Variants in CCNY observed in about 807,000 individuals in gnomAD.
The protein encoded by CCNY is cyclin-Y.
CCNY carries 19 observed loss-of-function variants against 42.8 expected under a neutral mutation model. The observed-to-expected ratio is 0.44, with a 90% confidence interval of 0.31 to 0.65. The LOEUF is 0.65. Ranked by LOEUF, CCNY falls within the 30% of genes least tolerant of loss-of-function variation. The pLI, the probability that CCNY is intolerant of heterozygous loss-of-function variation, is 0.07. For missense variants in CCNY, 370 were observed against 437.3 expected (o/e 0.85, Z 1.37); for synonymous variants, 165 against 162.7 (o/e 1.01, Z -0.11).
intron 1 of CCNY, among the ~76,000 whole-genome samples, chr10:35,420,643 C>T (rs1838138990): frequency 6.6e-6 from 1 of 152,190 alleles, no homozygotes; most frequent in African/African-American, 2.4e-5. Context: ...GTCGCAATCT[C>T]ACACCAGAAT....
At chr10:35,345,281 A>G (rs1201509362) in intron 1 of CCNY, among the ~76,000 whole-genome samples, 2 of 152,102 alleles carry the variant, frequency 1.3e-5, no homozygotes, top group Non-Finnish European at 2.9e-5. Context: ...CTGGTGTGAG[A>G]TGGTATCTCA....
intron 2 of CCNY, among the ~76,000 whole-genome samples, chr10:35,491,205 G>A (rs539049308): frequency 2.0e-4 from 31 of 152,314 alleles, no homozygotes; most frequent in Admixed American, 1.0e-3. Flanking sequence ...CCAGCTCTGC[G>A]TTAGGCCTTT....
chr10:35,531,383 CTCAT>C (rs1389147276), intron 7 of CCNY, among the ~76,000 whole-genome samples: 1 of 152,214 alleles, frequency 6.6e-6, no homozygotes, highest in African/African-American at 2.4e-5. Context: ...TGGCTTGTTG[CTCAT>C]TCATTCATCT....
chr10:35,519,498 C>G (rs1053857610), intron 4 of CCNY, among the ~76,000 whole-genome samples: 2 of 152,108 alleles, frequency 1.3e-5, no homozygotes, highest in African/African-American at 4.8e-5. Flanking sequence ...TTAAACCTCC[C>G]CAGGAGAGTC....
intron 1 of CCNY, among the ~76,000 whole-genome samples, chr10:35,426,105 G>GCACACA (rs1356511719): frequency 5.2e-5 from 3 of 58,032 alleles, no homozygotes; most frequent in Admixed American, 1.9e-4. Context: ...CACTGGTCCA[G>GCACACA]CACGCGCACA....
At chr10:35,552,408 A>T (rs1287443815) in intron 7 of CCNY, among the ~76,000 whole-genome samples, 3 of 152,162 alleles carry the variant, frequency 2.0e-5, no homozygotes, top group Admixed American at 2.0e-4. Context: ...TCAGTTTGGG[A>T]AGATGATAAA....
In CCNY at chr10:35,569,962, C is replaced by A. The variant is rs1677635075; in HGVS notation, c.*792C>A. On this transcript the variant is annotated 3_prime_UTR_variant, in exon 10 of 10. Transcript: ENST00000374704. ...CGATTTTCTTGCATTTGTTTTTTTC[C>A]TGACCTGAAGTTGTTGTTACAAAAT... 6.6e-6 allele frequency: 1 copy of A among 152,330 alleles called. No individual in the cohort carries two copies. 9.4% of individuals were successfully genotyped at this position (152,330 alleles called of 1,614,324 possible). A position where few individuals can be genotyped will look rare whatever the true frequency, so the allele number is the denominator to read the frequency against.
At chr10:35,528,113 C>T (rs1395207678) in intron 5 of CCNY, among the ~76,000 whole-genome samples, 2 of 152,120 alleles carry the variant, frequency 1.3e-5, no homozygotes, top group Admixed American at 1.3e-4. Flanking sequence ...GGCTCAACTG[C>T]TGAGGAATGG....
intron 3 of CCNY, among the ~76,000 whole-genome samples, chr10:35,312,385 A>C (rs1309542296): frequency 4.6e-4 from 39 of 85,572 alleles, no homozygotes; most frequent in Admixed American, 8.9e-4. Flanking sequence ...TGTGTCACAA[A>C]AAAAAAAAAA....
At chr10:35,512,237 C>T (rs1840338910) in intron 3 of CCNY, among the ~76,000 whole-genome samples, 1 of 152,096 alleles carries the variant, frequency 6.6e-6, no homozygotes, top group Non-Finnish European at 1.5e-5. Flanking sequence ...TTGAGGTACC[C>T]ATGAGGAACA....
intron 7 of CCNY, 37 bp from the exon 8 acceptor site, chr10:35,552,981 AC>A: frequency 6.3e-7 from 1 of 1,596,038 alleles, no homozygotes; most frequent in Non-Finnish European, 8.6e-7. Context: ...TTAGGAGAAA[AC>A]AAATCACTTA....
chr10:35,525,276 G>A (rs374313215), intron 4 of CCNY, among the ~76,000 whole-genome samples: 31 of 151,928 alleles, frequency 2.0e-4, no homozygotes, highest in East Asian at 1.5e-3. Context: ...TTATTTGGGC[G>A]GAATATTTTT....
intron 1 of CCNY, among the ~76,000 whole-genome samples, chr10:35,478,029 C>A (rs1314383822): frequency 6.8e-6 from 1 of 146,170 alleles, no homozygotes; most frequent in African/African-American, 2.5e-5. Flanking sequence ...GAGTGAACTC[C>A]CATTCACAAT....
Position 35,530,746 on chromosome 10 carries a change from A to G in CCNY, c.579+503A>G, listed in dbSNP as rs1166927867. ...GATATTCAGAGACAGTATGGAGGTA[A>G]CGTATATTTTAAGACTCAAGAAAAA... is the stretch of plus-strand genomic sequence containing the variant. On this transcript the variant is annotated intron_variant, in intron 7 of 9. Coordinates refer to ENST00000374704, the MANE Select transcript of CCNY (RefSeq NM_145012.6). This position sits in a 1 kb window ranked among gnomAD's most constrained non-coding sequence, Gnocchi z 4.3. 6.6e-6 allele frequency among the ~76,000 whole-genome samples: 1 copy of G among 152,192 alleles called. No individual in the cohort carries two copies. Among genetic ancestry groups the G allele is most frequent in the Admixed American group, 6.5e-5 (1 of 15,280 alleles).
chr10:35,281,734 C>T (rs1410159435), intron 3 of CCNY, among the ~76,000 whole-genome samples: 1 of 151,944 alleles, frequency 6.6e-6, no homozygotes, highest in East Asian at 1.9e-4. Flanking sequence ...AAAACCATAC[C>T]GTGGAATAGT....
At chr10:35,328,983 T>C (rs1212031715) in intron 3 of CCNY, among the ~76,000 whole-genome samples, 1 of 152,214 alleles carries the variant, frequency 6.6e-6, no homozygotes, top group Non-Finnish European at 1.5e-5. Flanking sequence ...TGTGTATAAA[T>C]CATAATACAT....
chr10:35,544,068 A>G (rs978331655), intron 7 of CCNY, among the ~76,000 whole-genome samples: 3 of 152,252 alleles, frequency 2.0e-5, no homozygotes, highest in Admixed American at 2.0e-4. Context: ...TAAAGTTTAT[A>G]AAGTTATAGT....
At chr10:35,432,704 G>A (rs1374337357) in intron 1 of CCNY, among the ~76,000 whole-genome samples, 5 of 152,142 alleles carry the variant, frequency 3.3e-5, no homozygotes, top group Non-Finnish European at 5.9e-5. Flanking sequence ...ACAAAAACAA[G>A]TTCACATTTT....
chr10:35,291,528 C>CTT lies in CCNY; in HGVS notation c.-9+40922_-9+40923dup, dbSNP rs71523373. On this transcript the variant is annotated intron_variant, in intron 3 of 11. Coordinates refer to the CCNY transcript ENST00000374706. ...TGCTACAGCATTTGTGTACGACTTC[C>CTT]TTTTTTTTTTTTTTTTTTTTTGAGA... Among the ~76,000 whole-genome samples, 194 of 109,308 alleles carry CTT rather than the reference C, an allele frequency of 1.8e-3. 1 individual carries two copies. The highest frequency in any genetic ancestry group is 3.0e-3 in the African/African-American group (82 of 27,308). 71.7% of individuals were successfully genotyped at this position (109,308 alleles called of 152,430 possible). A position where few individuals can be genotyped will look rare whatever the true frequency, so the allele number is the denominator to read the frequency against.
Sources: allele counts gnomAD v4.1 joint callset (sites outside exome capture counted in the v4.1 genomes callset), GRCh38; gene constraint gnomAD v4.1.1; non-coding constraint Gnocchi (gnomAD v3.1); transcripts MANE v1.5; gene names NCBI Gene and HGNC (gene_info 2026-07-23, HGNC 2026-07-21).